The following GPATCH2L variants were observed in gnomAD, a reference collection of about 807,000 sequenced individuals.
GPATCH2L encodes G-patch domain containing 2 like.
In GPATCH2L, 31 loss-of-function variants were observed where a neutral mutation model predicts 57.4. The observed-to-expected ratio is 0.54, with a 90% CI of 0.41 to 0.73. The LOEUF (loss-of-function observed/expected upper bound fraction) is 0.73, where lower values mean the gene tolerates loss of function less well. GPATCH2L is among the 30% of genes least tolerant of loss of function. The pLI, the probability that GPATCH2L is intolerant of heterozygous loss-of-function variation, is 0.00. For missense variants in GPATCH2L, 481 were observed against 599.9 expected, an observed-to-expected ratio of 0.80 and a Z score of 2.07; for synonymous variants, 199 against 210.7, an observed-to-expected ratio of 0.94 and a Z score of 0.48.
chr14:76,160,135 C>G (rs917148649), intron 2 of GPATCH2L, among the ~76,000 whole-genome samples: 1 of 152,056 alleles, frequency 6.6e-6, no homozygotes, highest in African/African-American at 2.4e-5. Flanking sequence ...CAGAGCGAGA[C>G]TCTGTCTCAA....
chr14:76,152,506 C>A (rs4899584), intron 1 of GPATCH2L: 165,716 of 366,848 alleles, frequency 0.45, 41,288 homozygotes, highest in South Asian at 0.54. Flanking sequence ...CACCCTGCTC[C>A]TGTCTCTCTT....
At position 76,201,829 on chromosome 14, in the gene GPATCH2L, A is replaced by G. The variant is rs768911564; in HGVS notation, c.1427A>G (p.Glu476Gly). 6.2e-7 allele frequency: 1 copy of G among 1,614,016 alleles called. No homozygotes were observed. The highest frequency in any genetic ancestry group is 1.3e-5 in the African/African-American group (1 of 75,034). Residue 476 changes from glutamate (E) to glycine (G), a missense_variant, in exon 10 of 10, where the codon GAA becomes GGA. Physicochemically the swap from Glu to Gly is moderately conservative, Grantham distance 98. Around this residue, in one of 3 missense-constraint regions of GPATCH2L, gnomAD observed 248 missense variants for 270.5 expected, o/e 0.92. Transcript: ENST00000261530. ...GCTACATTTTTTAAAATGCCACAAGAAAAGAGCCCTGGATACAGCTAGAGA... is the reference window on the plus strand; with the variant it reads ...GCTACATTTTTTAAAATGCCACAAGGAAAGAGCCCTGGATACAGCTAGAGA... ...TTATFFKMPQ[E>G]KSPGYS
downstream of GPATCH2L, among the ~76,000 whole-genome samples, chr14:76,214,776 ACT>A (rs1225084713): frequency 2.0e-5 from 3 of 151,270 alleles, no homozygotes; most frequent in Non-Finnish European, 4.4e-5. Flanking sequence ...TCAGTAACAA[ACT>A]CTTTTTGTTT....
Position 76,171,943 on chromosome 14 carries a change from A to C in GPATCH2L, c.828A>C (p.Glu276Asp), listed in dbSNP as rs779397022. 2 of 1,610,986 alleles carry C rather than the reference A, an allele frequency of 1.2e-6. No individual in the cohort carries two copies. Among genetic ancestry groups the C allele is most frequent in the Non-Finnish European group, 1.7e-6 (2 of 1,177,484 alleles). ...LPKWAPDHCS[E>D]VERMDSGLDK... ...AGTGGGCTCCTGATCATTGTTCTGA[A>C]GTAGAAAGAATGGATTCTGGATTGG... is the stretch of plus-strand genomic sequence containing the variant. Residue 276 changes from glutamate to aspartate, a missense_variant, in exon 4 of 10, where the codon GAA (glutamate) becomes GAC (aspartate). Physicochemically the swap from Glu to Asp is conservative, Grantham distance 45 (BLOSUM62 2). Transcript: ENST00000261530.
Position 76,235,306 on chromosome 14 carries a change from G to C in GPATCH2L, c.*117+5353G>C, listed in dbSNP as rs560506267. On this transcript the variant is annotated intron_variant and NMD_transcript_variant, in intron 2 of 3. Transcript: ENST00000556372. ...AATTGTAATACTTTCCACATGTTAAGGGTGGGGCAAGGTGGAGATAATTGA... is the reference window on the plus strand; with the variant it reads ...AATTGTAATACTTTCCACATGTTAACGGTGGGGCAAGGTGGAGATAATTGA... Among the ~76,000 whole-genome samples the C allele has an allele frequency of 3.3e-5, 5 of 152,266 alleles. No individual in the cohort carries two copies. The East Asian group carries it at 9.6e-4, about 29-fold the overall frequency.
intron 2 of GPATCH2L, among the ~76,000 whole-genome samples, chr14:76,165,397 T>C (rs1362604898): frequency 6.7e-6 from 1 of 149,838 alleles, no homozygotes; most frequent in Admixed American, 6.7e-5. Context: ...GAGGCTGAGG[T>C]AGGAGAATTG....
intron 5 of GPATCH2L, 84 bp downstream of exon 5, chr14:76,173,709 G>A: frequency 2.3e-6 from 2 of 875,702 alleles, no homozygotes; most frequent in East Asian, 2.4e-5. Context: ...AATCAGAGGT[G>A]CTACAGAACT....
rs200618126 is a variant in GPATCH2L at position 76,219,942 on chromosome 14, G to GC, written c.66-9863dup. ...AGTGTTCTTAGAAAAGTGATTAGCT[G>GC]CCCTGCTGTCCTTGTGTGACTTAAG... On this transcript the variant is annotated intron_variant and NMD_transcript_variant, in intron 1 of 3. Coordinates refer to the GPATCH2L transcript ENST00000556372. 7.5e-3 allele frequency among the ~76,000 whole-genome samples: 1,145 copies of GC among 152,294 alleles called. 7 individuals carry two copies. Among genetic ancestry groups the GC allele is most frequent in the South Asian group, 0.013 (63 of 4,826 alleles).
chr14:76,202,385 C>T lies in GPATCH2L; in HGVS notation c.*534C>T, dbSNP rs553143907. On this transcript the variant is annotated 3_prime_UTR_variant, in exon 10 of 10. Coordinates refer to ENST00000261530, the MANE Select transcript of GPATCH2L (RefSeq NM_017926.4). ...AAGATAAATCAACCAAGTTTTGGGGCCTCAAAAGAGACACCAGCAACTGGG... is the reference window on the plus strand; with the variant it reads ...AAGATAAATCAACCAAGTTTTGGGGTCTCAAAAGAGACACCAGCAACTGGG... 3 of 152,630 alleles carry T rather than the reference C, an allele frequency of 2.0e-5. No individual in the cohort carries two copies. The highest frequency in any genetic ancestry group is 4.4e-5 in the Non-Finnish European group (3 of 68,054). The allele number at this position is 152,630 out of a possible 1,614,324, so 9.5% of individuals were successfully genotyped here. A position where few individuals can be genotyped will look rare whatever the true frequency, so the allele number is the denominator to read the frequency against.
intron 5 of GPATCH2L, chr14:76,175,556 A>G (rs2039285510): frequency 6.6e-6 from 1 of 152,160 alleles, no homozygotes; most frequent in Admixed American, 6.6e-5. Flanking sequence ...TGCTGTAACA[A>G]ATAGCTCATT....
At chr14:76,216,843 G>A (rs2040492025), downstream of GPATCH2L, among the ~76,000 whole-genome samples, 1 of 152,048 alleles carries the variant, frequency 6.6e-6, no homozygotes, top group Non-Finnish European at 1.5e-5. Context: ...TTAATGGAAC[G>A]ATATAGAAAA....
Position 76,154,308 on chromosome 14 carries a change from T to TTTTTC in GPATCH2L, c.-10-37_-10-33dup. ...GATCCTTTTTCAGGCTTTCTTTTTC[T>TTTTTC]TTTTCTTTTCTTTCTTTCTTTTTTT... On this transcript the variant is annotated intron_variant, in intron 1 of 9. Transcript: ENST00000261530. This position sits in a 1 kb window ranked among gnomAD's most constrained non-coding sequence, Gnocchi z 4.4. 6.8e-7 allele frequency: 1 copy of TTTTTC among 1,460,908 alleles called. No individual in the cohort carries two copies. The highest frequency in any genetic ancestry group is 2.3e-5 in the Admixed American group (1 of 44,396). The allele number at this position is 1,460,908 out of a possible 1,614,324, so 90.5% of individuals were successfully genotyped here.
chr14:76,167,861 GCT>G (rs1166111654), intron 3 of GPATCH2L, among the ~76,000 whole-genome samples: 2 of 152,078 alleles, frequency 1.3e-5, no homozygotes, highest in Non-Finnish European at 2.9e-5. Flanking sequence ...ACCAATATTT[GCT>G]CTTTTTCTTT....
At chr14:76,215,238 A>G (rs1333619719), downstream of GPATCH2L, among the ~76,000 whole-genome samples, 5 of 152,086 alleles carry the variant, frequency 3.3e-5, no homozygotes, top group Non-Finnish European at 7.4e-5. Flanking sequence ...ACCAGTTAGA[A>G]TGGCAATCAT....
At chr14:76,174,225 T>C (rs139284047) in intron 5 of GPATCH2L, 326 of 152,464 alleles carry the variant, frequency 2.1e-3, no homozygotes, top group African/African-American at 7.5e-3. Flanking sequence ...TCGAAGAAGT[T>C]AAGGAATGTC....
At chr14:76,178,185 T>C (rs760241362) in intron 7 of GPATCH2L, 143 bp downstream of exon 7, 13 of 1,381,524 alleles carry the variant, frequency 9.4e-6, no homozygotes, top group South Asian at 6.2e-5. Context: ...ATATATTTCA[T>C]AGGAATCCTG....
At chr14:76,169,946 A>G (rs2039010800) in intron 3 of GPATCH2L, among the ~76,000 whole-genome samples, 1 of 152,248 alleles carries the variant, frequency 6.6e-6, no homozygotes. Context: ...AGAAATACAC[A>G]TTTTTGGTCT....
At chr14:76,180,037 A>AAC (rs1297793374) in intron 7 of GPATCH2L, 1 of 150,466 alleles carries the variant, frequency 6.6e-6, no homozygotes, top group Non-Finnish European at 1.5e-5. Context: ...ATACAAAAAA[A>AAC]AAAAAAAAAT....
At position 76,213,493 on chromosome 14, in the gene GPATCH2L, T is replaced by C. The variant is rs1287739103; in HGVS notation, c.*11642T>C. Reference sequence around the variant, plus strand: ...CTTTTTGTAACACCAATTTTTTATTTTACATTTTAAAGCATGGAATGGAAT... The same window carrying C: ...CTTTTTGTAACACCAATTTTTTATTCTACATTTTAAAGCATGGAATGGAAT... On this transcript the variant is annotated 3_prime_UTR_variant, in exon 10 of 10. Coordinates refer to ENST00000261530, the MANE Select transcript of GPATCH2L (RefSeq NM_017926.4). The C allele has an allele frequency of 6.6e-6, 1 of 152,160 alleles. No individual in the cohort carries two copies. Among genetic ancestry groups the C allele is most frequent in the Non-Finnish European group, 1.5e-5 (1 of 68,022 alleles). The allele number at this position is 152,160 out of a possible 1,614,324, so 9.4% of individuals were successfully genotyped here. A position where few individuals can be genotyped will look rare whatever the true frequency, so the allele number is the denominator to read the frequency against.
Sources: allele counts gnomAD v4.1 joint callset (sites outside exome capture counted in the v4.1 genomes callset), GRCh38; gene constraint gnomAD v4.1.1; regional missense constraint gnomAD v4.1.1; non-coding constraint Gnocchi (gnomAD v3.1); transcripts MANE v1.5; gene names NCBI Gene and HGNC (gene_info 2026-07-23, HGNC 2026-07-21).